The following TMEM163 variants were observed in gnomAD, a reference collection of about 807,000 sequenced individuals.
TMEM163 encodes transmembrane protein 163.
A neutral mutation model predicts 29.3 loss-of-function variants in TMEM163; 17 were observed. The ratio of observed to expected loss-of-function variants is 0.58; its 90% CI spans 0.40 to 0.87. The LOEUF (loss-of-function observed/expected upper bound fraction) is 0.87. Among genes scored for constraint, TMEM163 ranks in the 40% least tolerant of loss-of-function variants. TMEM163 has a pLI of 0.00. For synonymous variants in TMEM163, 157 were observed against 160.6 expected (o/e 0.98, Z 0.17); for missense variants, 303 against 381.5 (o/e 0.79, Z 1.71).
intron 5 of TMEM163, among the ~76,000 whole-genome samples, chr2:134,489,144 A>G (rs1245248394): frequency 1.3e-5 from 2 of 152,216 alleles, no homozygotes; most frequent in African/African-American, 2.4e-5. Context: ...TGTTCATTCT[A>G]ACAACACTGT....
At chr2:134,674,500 C>T (rs1219412665) in intron 2 of TMEM163, among the ~76,000 whole-genome samples, 7 of 90,120 alleles carry the variant, frequency 7.8e-5, no homozygotes, top group East Asian at 2.2e-4. Context: ...CGCGCGCGCG[C>T]GCGCGCGCGC....
At chr2:134,501,259 G>A (rs1679692325) in intron 5 of TMEM163, among the ~76,000 whole-genome samples, 1 of 152,200 alleles carries the variant, frequency 6.6e-6, no homozygotes, top group African/African-American at 2.4e-5. Context: ...AGGTGAGGCT[G>A]GGTGTTGGAT....
intron 4 of TMEM163, among the ~76,000 whole-genome samples, chr2:134,517,157 T>C (rs774046067): frequency 2.6e-5 from 4 of 151,712 alleles, no homozygotes; most frequent in Non-Finnish European, 4.4e-5. Flanking sequence ...TTTGGGAAGC[T>C]GATCAAACTT....
At chr2:134,603,464 C>T (rs1048719362) in intron 2 of TMEM163, among the ~76,000 whole-genome samples, 5 of 152,178 alleles carry the variant, frequency 3.3e-5, no homozygotes, top group East Asian at 3.9e-4. Context: ...TCAAAGAAAG[C>T]GTCTTCAGAC....
chr2:134,647,793 A>T (rs1431147204), intron 2 of TMEM163, among the ~76,000 whole-genome samples: 8 of 152,166 alleles, frequency 5.3e-5, no homozygotes, highest in Non-Finnish European at 2.9e-5. Context: ...ATTCAGTCCC[A>T]CTGTGTTCCA....
At chr2:134,582,425 T>C (rs2104795352) in intron 2 of TMEM163, among the ~76,000 whole-genome samples, 1 of 152,362 alleles carries the variant, frequency 6.6e-6, no homozygotes, top group South Asian at 2.1e-4. Context: ...GCAGTTCTCC[T>C]GTCCAGTCTG....
chr2:134,604,279 A>AG (rs1208144708), intron 2 of TMEM163, among the ~76,000 whole-genome samples: 1 of 152,152 alleles, frequency 6.6e-6, no homozygotes, highest in East Asian at 1.9e-4. Context: ...TCCATCTGTG[A>AG]GGGGGACGGA....
Position 134,496,147 on chromosome 2 carries a change from C to T in TMEM163, c.555+6754G>A, listed in dbSNP as rs183858717. 3.2e-3 allele frequency among the ~76,000 whole-genome samples: 485 copies of T among 152,112 alleles called. 3 individuals carry two copies. The highest frequency in any genetic ancestry group is 3.1e-3 in the Non-Finnish European group (210 of 67,992). On this transcript the variant is annotated intron_variant, in intron 5 of 7. Transcript: ENST00000281924. ...CGCAATCTTGGCTCACTGCGGCCTCCACCTCCAGGGTTCAACCAATTCTCC... is the reference window on the plus strand; with the variant it reads ...CGCAATCTTGGCTCACTGCGGCCTCTACCTCCAGGGTTCAACCAATTCTCC...
intron 5 of TMEM163, among the ~76,000 whole-genome samples, chr2:134,498,825 G>A (rs1210179907): frequency 6.6e-6 from 1 of 152,222 alleles, no homozygotes; most frequent in Non-Finnish European, 1.5e-5. Flanking sequence ...CAGGAGTGTG[G>A]GGAGAAGACA....
chr2:134,585,687 A>G (rs1251316773), intron 2 of TMEM163, among the ~76,000 whole-genome samples: 13 of 150,926 alleles, frequency 8.6e-5, no homozygotes, highest in Admixed American at 2.0e-4. Flanking sequence ...GCTTGCAGTG[A>G]GTCTAGATCG....
At chr2:134,634,011 ATATATATAT>A (rs1683045813) in intron 2 of TMEM163, among the ~76,000 whole-genome samples, 3 of 31,512 alleles carry the variant, frequency 9.5e-5, no homozygotes, top group African/African-American at 3.3e-4. Context: ...ATATATATAT[ATATATATAT>A]AATAGGACTG....
chr2:134,513,190 G>C (rs996537965), intron 4 of TMEM163, among the ~76,000 whole-genome samples: 1 of 152,212 alleles, frequency 6.6e-6, no homozygotes, highest in Non-Finnish European at 1.5e-5. Context: ...AAAGGATACA[G>C]TTACCATTTC....
At chr2:134,562,231 T>TCC (rs1306610148) in intron 2 of TMEM163, among the ~76,000 whole-genome samples, 1 of 152,200 alleles carries the variant, frequency 6.6e-6, no homozygotes, top group Non-Finnish European at 1.5e-5. Flanking sequence ...CCTTGCCTTC[T>TCC]CCCAAGCAGC....
At chr2:134,459,125 T>C (rs1370112395) in intron 6 of TMEM163, 1 of 152,284 alleles carries the variant, frequency 6.6e-6, no homozygotes, top group South Asian at 2.1e-4. Flanking sequence ...AAGGAGGCCC[T>C]GCTGGTAGGT....
intron 2 of TMEM163, among the ~76,000 whole-genome samples, chr2:134,620,825 G>A (rs1162787057): frequency 6.6e-6 from 1 of 152,036 alleles, no homozygotes; most frequent in Non-Finnish European, 1.5e-5. Flanking sequence ...TACAAGAACT[G>A]AGAAAAATGA....
In TMEM163 at chr2:134,536,490, G is replaced by A. The variant is rs139924282; in HGVS notation, c.458+14080C>T. 7.9e-4 allele frequency among the ~76,000 whole-genome samples: 120 copies of A among 152,190 alleles called. 3 individuals are homozygous for A. In the East Asian group the frequency reaches 0.02, roughly 26 times the overall value. On this transcript the variant is annotated intron_variant, in intron 4 of 7. Coordinates refer to ENST00000281924, the MANE Select transcript of TMEM163 (RefSeq NM_030923.5). ...CGTGTGCTGCTGCCTTGAAGTGAAG[G>A]CAGCCCCGGGCTCTGGAGGCTAGCG...
chr2:134,657,598 T>C (rs1285807212), intron 2 of TMEM163, among the ~76,000 whole-genome samples: 1 of 152,042 alleles, frequency 6.6e-6, no homozygotes, highest in African/African-American at 2.4e-5. Flanking sequence ...AGGTCAGGAA[T>C]TCATGACCAG....
At chr2:134,461,004 C>G (rs990023892) in intron 6 of TMEM163, among the ~76,000 whole-genome samples, 10 of 152,352 alleles carry the variant, frequency 6.6e-5, no homozygotes, top group African/African-American at 2.4e-4. Flanking sequence ...TGGCCACCTG[C>G]CACTTTGCTC....
At chr2:134,541,617 C>T (rs748100801) in intron 4 of TMEM163, among the ~76,000 whole-genome samples, 6 of 152,256 alleles carry the variant, frequency 3.9e-5, no homozygotes, top group South Asian at 2.1e-4. Context: ...CATAGAATAC[C>T]GCACAGCTAT....
Sources: gnomAD v4.1 joint callset for allele counts (sites outside exome capture counted in the v4.1 genomes callset) on GRCh38, gnomAD v4.1.1 for gene constraint, MANE v1.5 for transcripts, NCBI Gene and HGNC (gene_info 2026-07-23, HGNC 2026-07-21) for gene names.